Variants in PRKAB2 observed in about 807,000 individuals in gnomAD.
PRKAB2 encodes the protein 5'-AMP-activated protein kinase subunit beta-2.
In PRKAB2, 18 loss-of-function variants were observed where a neutral mutation model predicts 29.8. The observed-to-expected ratio is 0.60, with a 90% confidence interval of 0.42 to 0.89. PRKAB2 has a LOEUF of 0.89. PRKAB2 is among the 40% of genes least tolerant of loss of function. PRKAB2 has a pLI of 0.00. For synonymous variants in PRKAB2, 136 were observed against 125.9 expected, an observed-to-expected ratio of 1.08 and a Z score of -0.54; for missense variants, 270 against 344.3, an observed-to-expected ratio of 0.78 and a Z score of 1.71.
chr1:147,171,883 A>G (rs903464864), intron 2 of PRKAB2, 106 bp downstream of exon 2: 44 of 1,423,148 alleles, frequency 3.1e-5, no homozygotes, highest in Non-Finnish European at 4.0e-5. Flanking sequence ...AATTCAAAAA[A>G]CCATAGCCCG....
At chr1:147,171,862 TA>T in intron 2 of PRKAB2, 126 bp downstream of exon 2, 1 of 1,252,050 alleles carries the variant, frequency 8.0e-7, no homozygotes, top group Non-Finnish European at 1.1e-6. Flanking sequence ...CTGTCCCCGA[TA>T]AATCCCTTTA....
In PRKAB2 at chr1:147,155,188, G is replaced by A. The variant is rs1653613957; in HGVS notation, c.*4377C>T. ...TATGTATCATATCATATAATTTCCAGGTGTGTCAGAGTCCAGTGACAAATT... is the reference window on the plus strand; with the variant it reads ...TATGTATCATATCATATAATTTCCAAGTGTGTCAGAGTCCAGTGACAAATT... On this transcript the variant is annotated 3_prime_UTR_variant, in exon 8 of 8. Coordinates refer to ENST00000254101, the MANE Select transcript of PRKAB2 (RefSeq NM_005399.5). 2 of 152,414 alleles carry A rather than the reference G, an allele frequency of 1.3e-5. No homozygotes were observed. Among genetic ancestry groups the A allele is most frequent in the Admixed American group, 1.3e-4 (2 of 15,258 alleles). 9.4% of individuals were successfully genotyped at this position (152,414 alleles called of 1,614,324 possible). A position where few individuals can be genotyped will look rare whatever the true frequency, so the allele number is the denominator to read the frequency against.
rs782785672 is a variant in PRKAB2 at position 147,172,019 on chromosome 1, G to A, written c.126C>T (p.Asp42=). The change falls in exon 2 of 8, where the codon GAC becomes GAT. Residue 42 remains aspartate, a synonymous_variant. Coordinates refer to ENST00000254101, the MANE Select transcript of PRKAB2 (RefSeq NM_005399.5). ...AGTCAGGGAGGCTGAACACGCTGGG[G>A]TCGTCCGTACTCCCCACCATGATCT... ...EHKIMVGSTD[D]PSVFSLPDSK... is the part of the protein sequence containing the mutation. 6.3e-6 allele frequency: 10 copies of A among 1,599,348 alleles called. No homozygotes were observed. The East Asian group carries it at 1.4e-4, about 22-fold the overall frequency.
chr1:147,162,007 C>A (rs1571055092), intron 6 of PRKAB2, among the ~76,000 whole-genome samples: 1 of 152,258 alleles, frequency 6.6e-6, no homozygotes, highest in African/African-American at 2.4e-5. Context: ...TCAGCATCTA[C>A]TAATCTTCCT....
intron 2 of PRKAB2, among the ~76,000 whole-genome samples, chr1:147,170,597 T>TTTG (rs1488389889): frequency 6.6e-6 from 1 of 152,082 alleles, no homozygotes; most frequent in Non-Finnish European, 1.5e-5. Flanking sequence ...GTTTTTTTGT[T>TTTG]TTTTTGTTTT....
At chr1:147,164,600 A>C (rs1270393168) in intron 5 of PRKAB2, among the ~76,000 whole-genome samples, 1 of 152,230 alleles carries the variant, frequency 6.6e-6, no homozygotes, top group Non-Finnish European at 1.5e-5. Flanking sequence ...CATGATCCAC[A>C]AAATACCCTT....
chr1:147,160,207 C>T (rs1459521795), intron 7 of PRKAB2, among the ~76,000 whole-genome samples: 2 of 152,160 alleles, frequency 1.3e-5, no homozygotes, highest in Non-Finnish European at 2.9e-5. Context: ...GAATCCCTCT[C>T]TATCCTTGAA....
In PRKAB2 at chr1:147,157,286, G is replaced by A. The variant is rs1372082855; in HGVS notation, c.*2279C>T. The A allele has an allele frequency of 2.0e-5, 3 of 152,116 alleles. No homozygotes were observed. The highest frequency in any genetic ancestry group is 2.9e-5 in the Non-Finnish European group (2 of 68,030). 9.4% of individuals were successfully genotyped at this position (152,116 alleles called of 1,614,324 possible). On this transcript the variant is annotated 3_prime_UTR_variant, in exon 8 of 8. Coordinates refer to ENST00000254101, the MANE Select transcript of PRKAB2 (RefSeq NM_005399.5). ...GTATAGAAAAGGGACAGTGCTGAAT[G>A]AGTCAGCACCCAGTGCCTCCTACCC... is the stretch of plus-strand genomic sequence containing the variant.
In PRKAB2 at chr1:147,158,967, G is replaced by C. The variant is rs1482462855; in HGVS notation, c.*598C>G. On this transcript the variant is annotated 3_prime_UTR_variant, in exon 8 of 8. Transcript: ENST00000254101. ...TGTGTTAGAGAGGGGTCAGGTATGG[G>C]ATCTGAAGGAGGCTATTAAAGGAAG... The C allele has an allele frequency of 6.6e-6, 1 of 152,408 alleles. No individual in the cohort carries two copies. The highest frequency in any genetic ancestry group is 2.4e-5 in the African/African-American group (1 of 41,434). 9.4% of individuals were successfully genotyped at this position (152,408 alleles called of 1,614,324 possible).
At position 147,166,843 on chromosome 1, in the gene PRKAB2, T is replaced by C; in HGVS notation, c.417+3A>G. 6.2e-7 allele frequency: 1 copy of C among 1,611,922 alleles called. No homozygotes were observed. Among genetic ancestry groups the C allele is most frequent in the Non-Finnish European group, 8.5e-7 (1 of 1,177,994 alleles). On this transcript the variant is annotated splice_donor_region_variant and intron_variant, in intron 4 of 7. Coordinates refer to ENST00000254101, the MANE Select transcript of PRKAB2 (RefSeq NM_005399.5). ...TGGTTACCCTTGGAGATCAAGGCCTTACCTCTGATGGATCATGAACCCACT... is the reference window on the plus strand; with the variant it reads ...TGGTTACCCTTGGAGATCAAGGCCTCACCTCTGATGGATCATGAACCCACT...
At chr1:147,159,664 G>C in intron 7 of PRKAB2, 22 bp from the exon 8 acceptor site, 1 of 1,606,058 alleles carries the variant, frequency 6.2e-7, no homozygotes, top group Non-Finnish European at 8.5e-7. Flanking sequence ...AGAAACATAC[G>C]CAGCTAATTC....
rs1553913877 is a variant in PRKAB2, at chr1:147,167,864, C to A, written c.226G>T (p.Ala76Ser). The A allele has an allele frequency of 4.3e-6, 7 of 1,614,140 alleles. No individual in the cohort carries two copies. The East Asian group carries it at 8.9e-5, about 21-fold the overall frequency. Reference sequence around the variant, plus strand: ...GACCAGCGGATAACAGTGGGCCGGGCCTGCTGTGTGGGCTTTACGGAGTCC... The same window carrying A: ...GACCAGCGGATAACAGTGGGCCGGGACTGCTGTGTGGGCTTTACGGAGTCC... The part of the protein sequence containing the change: ...LEDSVKPTQQ[A>S]RPTVIRWSEG... The change falls in exon 3 of 8, where the codon GCC (alanine) becomes TCC (serine). Residue 76 changes from alanine to serine, a missense_variant. By Grantham distance (99) the Ala-to-Ser change is moderately conservative (BLOSUM62 1). Coordinates refer to ENST00000254101, the MANE Select transcript of PRKAB2 (RefSeq NM_005399.5).
In PRKAB2 at chr1:147,157,701, C is replaced by A. The variant is rs983427515; in HGVS notation, c.*1864G>T. On this transcript the variant is annotated 3_prime_UTR_variant, in exon 8 of 8. Transcript: ENST00000254101. Reference sequence around the variant, plus strand: ...AACAAAATTCTAGTACAACTGAAGGCTGTAAATCCTGAGAGTTGGTTATAA... The same window carrying A: ...AACAAAATTCTAGTACAACTGAAGGATGTAAATCCTGAGAGTTGGTTATAA... 1 of 152,098 alleles carries A rather than the reference C, an allele frequency of 6.6e-6. No individual in the cohort carries two copies. The highest frequency in any genetic ancestry group is 1.5e-5 in the Non-Finnish European group (1 of 68,002). The allele number at this position is 152,098 out of a possible 1,614,324, so 9.4% of individuals were successfully genotyped here.
chr1:147,157,238 C>T lies in PRKAB2; in HGVS notation c.*2327G>A, dbSNP rs1242791641. 6.6e-6 allele frequency: 1 copy of T among 152,102 alleles called. No individual in the cohort carries two copies. Among genetic ancestry groups the T allele is most frequent in the African/African-American group, 2.4e-5 (1 of 41,418 alleles). The allele number at this position is 152,102 out of a possible 1,614,324, so 9.4% of individuals were successfully genotyped here. ...CCAAATAGACTGAGATAAGGCTTCT[C>T]AGAACCATGGGATGTATCAGCAGTA... On this transcript the variant is annotated 3_prime_UTR_variant, in exon 8 of 8. Coordinates refer to ENST00000254101, the MANE Select transcript of PRKAB2 (RefSeq NM_005399.5).
intron 5 of PRKAB2, 101 bp downstream of exon 5, chr1:147,166,397 T>A (rs1320180992): frequency 2.5e-5 from 31 of 1,225,938 alleles, no homozygotes; most frequent in Non-Finnish European, 3.1e-5. Context: ...CCCAACCCCC[T>A]GCTCTCTCTC....
chr1:147,162,550 G>T lies in PRKAB2; in HGVS notation c.562C>A (p.Pro188Thr). The T allele has an allele frequency of 1.9e-6, 3 of 1,611,496 alleles. No homozygotes were observed. Among genetic ancestry groups the T allele is most frequent in the African/African-American group, 2.7e-5 (2 of 74,868 alleles). Residue 188 changes from proline to threonine, a missense_variant, in exon 6 of 8, where the codon CCT (proline) becomes ACT (threonine). Transcript: ENST00000254101. ...AACGCATACATTTCTTGACCATAAG[G>T]CCCTGGGGGTGAGCTGGAAAGGTCT... The part of the protein sequence containing the change: ...CRDLSSSPPG[P>T]YGQEMYAFRS...
chr1:147,164,716 A>G (rs1202360321), intron 5 of PRKAB2, among the ~76,000 whole-genome samples: 8 of 152,236 alleles, frequency 5.3e-5, no homozygotes, highest in Non-Finnish European at 8.8e-5. Flanking sequence ...AAATGAGTGC[A>G]GACTAAAATC....
At chr1:147,166,715 C>G in intron 4 of PRKAB2, 97 bp from the exon 5 acceptor site, 1 of 1,564,424 alleles carries the variant, frequency 6.4e-7, no homozygotes, top group Non-Finnish European at 8.7e-7. Flanking sequence ...CGATTGTTCT[C>G]AGCACCTCCA....
At chr1:147,170,603 G>GTTT (rs59813105) in intron 2 of PRKAB2, among the ~76,000 whole-genome samples, 1 of 151,164 alleles carries the variant, frequency 6.6e-6, no homozygotes, top group Admixed American at 6.6e-5. Flanking sequence ...TTGTTTTTTT[G>GTTT]TTTTGAGAGT....
Sources: gnomAD v4.1 joint callset for allele counts (sites outside exome capture counted in the v4.1 genomes callset) on GRCh38, gnomAD v4.1.1 for gene constraint, MANE v1.5 for transcripts, NCBI Gene and HGNC (gene_info 2026-07-23, HGNC 2026-07-21) for gene names.